The following ATP8A1 variants were observed in gnomAD, a reference collection of about 807,000 sequenced individuals.
ATP8A1 encodes the protein ATPase phospholipid transporting 8A1.
Under a neutral mutation model 177.7 loss-of-function variants are expected in ATP8A1, and 90 were observed. The observed-to-expected ratio is 0.51, with a 90% CI of 0.43 to 0.60. ATP8A1 has a LOEUF of 0.60. Ranked by LOEUF, ATP8A1 falls within the 20% of genes least tolerant of loss-of-function variation. ATP8A1 has a pLI of 0.00. For missense variants in ATP8A1, 1,072 were observed against 1,392.8 expected (o/e 0.77, Z 3.67); for synonymous variants, 493 against 485.9 (o/e 1.01, Z -0.19).
intron 22 of ATP8A1, among the ~76,000 whole-genome samples, chr4:42,521,509 A>G (rs551812487): frequency 4.6e-5 from 7 of 152,372 alleles, no homozygotes; most frequent in African/African-American, 1.7e-4. Context: ...TGCTATTTAT[A>G]CAGCATCGAT....
intron 15 of ATP8A1, among the ~76,000 whole-genome samples, chr4:42,559,663 T>C (rs1018243154): frequency 2.6e-5 from 4 of 152,230 alleles, no homozygotes; most frequent in Non-Finnish European, 5.9e-5. Flanking sequence ...AAATTTATAC[T>C]TTGCAGTACT....
In ATP8A1 at chr4:42,423,669, C is replaced by T. The variant is rs1211216952; in HGVS notation, c.3160G>A (p.Gly1054Ser). Reference protein sequence around the residue: ...MLFSSGVFWMGLLFIPVASLL... With the variant: ...MLFSSGVFWMSLLFIPVASLL... ...GATGCCACAGGGATGAATAACAAGC[C>T]CATCCAAAAGACTCCAGAACTGAAC... Residue 1054 changes from glycine to serine, a missense_variant, in exon 34 of 37, where the codon GGC becomes AGC. Physicochemically the swap from Gly to Ser is moderately conservative, Grantham distance 56. This residue lies in a region of ATP8A1 where 316 missense variants were observed against 459.1 expected (regional missense o/e 0.69). Coordinates refer to ENST00000381668, the MANE Select transcript of ATP8A1 (RefSeq NM_006095.2). 6.2e-7 allele frequency: 1 copy of T among 1,612,704 alleles called. No individual in the cohort carries two copies. Among genetic ancestry groups the T allele is most frequent in the South Asian group, 1.1e-5 (1 of 90,586 alleles).
At chr4:42,575,735 G>T in intron 12 of ATP8A1, 36 bp from the exon 13 acceptor site, 1 of 1,538,622 alleles carries the variant, frequency 6.5e-7, no homozygotes, top group South Asian at 1.1e-5. Flanking sequence ...GAACACAACT[G>T]GTAATAAGGA....
intron 5 of ATP8A1, among the ~76,000 whole-genome samples, chr4:42,601,641 TCAA>T (rs1577679644): frequency 1.3e-5 from 2 of 152,188 alleles, no homozygotes; most frequent in East Asian, 3.8e-4. Context: ...TCAAGGCCCA[TCAA>T]CAAATTATCC....
chr4:42,563,722 C>T (rs929192159), intron 15 of ATP8A1, among the ~76,000 whole-genome samples: 3 of 152,178 alleles, frequency 2.0e-5, no homozygotes. Flanking sequence ...CTAAAAGAGG[C>T]TAGTGCTTCA....
At position 42,453,333 on chromosome 4, in the gene ATP8A1, T is replaced by C. The variant is rs537432390; in HGVS notation, c.2818-1274A>G. 5.9e-5 allele frequency among the ~76,000 whole-genome samples: 9 copies of C among 152,316 alleles called. No individual in the cohort carries two copies. The South Asian group carries it at 1.7e-3, about 28-fold the overall frequency. On this transcript the variant is annotated intron_variant, in intron 29 of 36. Coordinates refer to ENST00000381668, the MANE Select transcript of ATP8A1 (RefSeq NM_006095.2). ...GTCCCTGAATTTTCAAACACTTATA[T>C]GAGATTGAATCAAATACTTTTCACT...
intron 15 of ATP8A1, 83 bp from the exon 16 acceptor site, chr4:42,556,123 G>A (rs1730212091): frequency 3.2e-6 from 3 of 931,080 alleles, no homozygotes; most frequent in Admixed American, 5.1e-5. Context: ...TATGAGTAAA[G>A]TGTTATGTCT....
At chr4:42,627,900 A>G (rs1738282091) in intron 1 of ATP8A1, among the ~76,000 whole-genome samples, 2 of 152,136 alleles carry the variant, frequency 1.3e-5, no homozygotes, top group Admixed American at 1.3e-4. Flanking sequence ...CTCCTCCCAT[A>G]AGACCTGCTG....
chr4:42,493,222 A>G (rs1578043571), intron 24 of ATP8A1, among the ~76,000 whole-genome samples: 1 of 152,242 alleles, frequency 6.6e-6, no homozygotes, highest in African/African-American at 2.4e-5. Flanking sequence ...TAAAGAACTA[A>G]GTTCCAAAGG....
chr4:42,558,721 A>T (rs1730507106), intron 15 of ATP8A1, among the ~76,000 whole-genome samples: 1 of 152,096 alleles, frequency 6.6e-6, no homozygotes, highest in African/African-American at 2.4e-5. Context: ...ACCAAAATAA[A>T]CTCCAGATGG....
intron 27 of ATP8A1, among the ~76,000 whole-genome samples, chr4:42,463,142 T>C (rs569979369): frequency 2.0e-5 from 3 of 152,262 alleles, no homozygotes; most frequent in Admixed American, 6.5e-5. Flanking sequence ...GTTAAGACTT[T>C]AGGGTATTGT....
At chr4:42,432,776 T>G (rs953511105) in intron 33 of ATP8A1, among the ~76,000 whole-genome samples, 3 of 152,214 alleles carry the variant, frequency 2.0e-5, no homozygotes. Context: ...AACACTTCCC[T>G]CTGAGAAAGC....
At position 42,541,117 on chromosome 4, in the gene ATP8A1, C is replaced by T. The variant is rs1728342484; in HGVS notation, c.1722+2800G>A. Among the ~76,000 whole-genome samples, 8 of 151,646 alleles carry T rather than the reference C, an allele frequency of 5.3e-5. No homozygotes were observed. The South Asian group carries it at 1.7e-3, about 32-fold the overall frequency. ...CTCCAGCCTAGGTGACAGAGTGAGACCCTGTCTCTAAAAATAAATGAATAA... is the reference window on the plus strand; with the variant it reads ...CTCCAGCCTAGGTGACAGAGTGAGATCCTGTCTCTAAAAATAAATGAATAA... On this transcript the variant is annotated intron_variant, in intron 20 of 36. Coordinates refer to ENST00000381668, the MANE Select transcript of ATP8A1 (RefSeq NM_006095.2).
chr4:42,641,368 G>A (rs547342530), intron 1 of ATP8A1, among the ~76,000 whole-genome samples: 1 of 152,154 alleles, frequency 6.6e-6, no homozygotes, highest in Non-Finnish European at 1.5e-5. Flanking sequence ...GGAATGGGCT[G>A]TCTTAAAAGG....
chr4:42,614,757 T>C (rs1560521068), intron 5 of ATP8A1, among the ~76,000 whole-genome samples: 2 of 152,200 alleles, frequency 1.3e-5, no homozygotes, highest in Admixed American at 1.3e-4. Flanking sequence ...TTTCTGCGCC[T>C]GGCAGTCTAA....
chr4:42,647,379 C>T (rs1360569122), intron 1 of ATP8A1, among the ~76,000 whole-genome samples: 1 of 152,108 alleles, frequency 6.6e-6, no homozygotes, highest in Non-Finnish European at 1.5e-5. Flanking sequence ...CATGTAGCTA[C>T]TGAGCACATG....
chr4:42,636,533 T>G (rs866819799), intron 1 of ATP8A1, among the ~76,000 whole-genome samples: 7 of 152,150 alleles, frequency 4.6e-5, no homozygotes, highest in African/African-American at 1.7e-4. Context: ...CAAACACCCT[T>G]AAAAGCATGG....
At position 42,461,164 on chromosome 4, in the gene ATP8A1, T is replaced by C. The variant is rs1037703771; in HGVS notation, c.2619+3526A>G. On this transcript the variant is annotated intron_variant, in intron 27 of 36. Coordinates refer to ENST00000381668, the MANE Select transcript of ATP8A1 (RefSeq NM_006095.2). ...AGGATGTAAAATGTCTCATTAATAA[T>C]TTTTGACAGTGATTACAGGTGACAA... 3.3e-5 allele frequency among the ~76,000 whole-genome samples: 5 copies of C among 152,108 alleles called. No homozygotes were observed. The South Asian group carries it at 1.0e-3, about 32-fold the overall frequency.
At chr4:42,597,878 A>G (rs1208389020) in intron 6 of ATP8A1, among the ~76,000 whole-genome samples, 1 of 152,156 alleles carries the variant, frequency 6.6e-6, no homozygotes, top group East Asian at 1.9e-4. Flanking sequence ...GTAGCAAATG[A>G]AACTTCAATA....
Sources: gnomAD v4.1 joint callset for allele counts (sites outside exome capture counted in the v4.1 genomes callset) on GRCh38, gnomAD v4.1.1 for gene constraint, gnomAD v4.1.1 regional missense constraint, MANE v1.5 for transcripts, NCBI Gene and HGNC (gene_info 2026-07-23, HGNC 2026-07-21) for gene names.